HECTD2: variants seen among roughly 807,000 people sequenced by gnomAD.
The protein encoded by HECTD2 is probable E3 ubiquitin-protein ligase HECTD2.
Under a neutral mutation model 103.2 loss-of-function variants are expected in HECTD2, and 35 were observed. The observed-to-expected ratio is 0.34, with a 90% confidence interval of 0.26 to 0.45. HECTD2 has a LOEUF of 0.45. HECTD2 is among the 20% of genes least tolerant of loss of function. The pLI is 1.00. For synonymous variants in HECTD2, 281 were observed against 329.9 expected, an observed-to-expected ratio of 0.85 and a Z score of 1.61; for missense variants, 596 against 937.4, an observed-to-expected ratio of 0.64 and a Z score of 4.76.
At position 91,419,518 on chromosome 10, in the gene HECTD2, G is replaced by T. The variant is rs546601731; in HGVS notation, c.139-5763G>T. On this transcript the variant is annotated intron_variant, in intron 1 of 20. Transcript: ENST00000298068. ...AAAAGACCATTGAAGCCCACATTAG[G>T]TACTTGTGAAATAAGATTTTTGGTT... is the stretch of plus-strand genomic sequence containing the variant. Among the ~76,000 whole-genome samples the T allele has an allele frequency of 3.3e-5, 5 of 152,142 alleles. No homozygotes were observed. In the South Asian group the frequency reaches 1.0e-3, roughly 32 times the overall value.
intron 18 of HECTD2, among the ~76,000 whole-genome samples, chr10:91,499,643 A>G (rs1172932112): frequency 2.6e-5 from 4 of 152,178 alleles, no homozygotes; most frequent in African/African-American, 9.7e-5. Flanking sequence ...TGTCTTAGCC[A>G]TGTGAATATG....
At chr10:91,469,828 A>G (rs1845661386) in intron 5 of HECTD2, among the ~76,000 whole-genome samples, 1 of 152,230 alleles carries the variant, frequency 6.6e-6, no homozygotes, top group Non-Finnish European at 1.5e-5. Flanking sequence ...CAAGAGACCC[A>G]TCTCACATAC....
At chr10:91,457,382 A>T (rs1017048229) in intron 2 of HECTD2, among the ~76,000 whole-genome samples, 1 of 152,078 alleles carries the variant, frequency 6.6e-6, no homozygotes, top group Admixed American at 6.6e-5. Context: ...TTACAGACCA[A>T]TATCCCTCAT....
At chr10:91,449,501 C>G (rs1158750492) in intron 2 of HECTD2, among the ~76,000 whole-genome samples, 1 of 152,132 alleles carries the variant, frequency 6.6e-6, no homozygotes, top group East Asian at 1.9e-4. Context: ...AGGACGCCCT[C>G]TCTTACTACT....
At chr10:91,449,836 C>T (rs1310458805) in intron 2 of HECTD2, among the ~76,000 whole-genome samples, 1 of 152,144 alleles carries the variant, frequency 6.6e-6, no homozygotes, top group African/African-American at 2.4e-5. Flanking sequence ...TGAAGGACCT[C>T]TTCAAGGAGA....
chr10:91,424,156 G>A (rs545779013), intron 1 of HECTD2, among the ~76,000 whole-genome samples: 1 of 152,110 alleles, frequency 6.6e-6, no homozygotes, highest in Non-Finnish European at 1.5e-5. Flanking sequence ...CACAGTCGAG[G>A]AAAAGAGAGA....
intron 2 of HECTD2, among the ~76,000 whole-genome samples, chr10:91,459,877 A>G: frequency 6.6e-6 from 1 of 152,118 alleles, no homozygotes; most frequent in East Asian, 1.9e-4. Flanking sequence ...CTATACAGAT[A>G]TGTAGCCTGG....
At chr10:91,431,677 C>A (rs1843880829) in intron 2 of HECTD2, among the ~76,000 whole-genome samples, 1 of 152,056 alleles carries the variant, frequency 6.6e-6, no homozygotes, top group African/African-American at 2.4e-5. Context: ...CGCATCGGCT[C>A]CTGAGGCTTC....
intron 2 of HECTD2, among the ~76,000 whole-genome samples, chr10:91,451,194 A>C (rs1453740847): frequency 3.3e-5 from 5 of 152,206 alleles, no homozygotes; most frequent in Non-Finnish European, 7.3e-5. Flanking sequence ...TGCAGCCATA[A>C]AGAAGGATGA....
intron 5 of HECTD2, among the ~76,000 whole-genome samples, chr10:91,465,659 C>T (rs1845506073): frequency 6.6e-6 from 1 of 151,564 alleles, no homozygotes; most frequent in African/African-American, 2.4e-5. Context: ...TGGATTTCAT[C>T]AACTGTTTCT....
chr10:91,487,667 T>C lies in HECTD2; in HGVS notation c.1095-15T>C. On this transcript the variant is annotated splice_polypyrimidine_tract_variant and intron_variant, in intron 10 of 20. Transcript: ENST00000298068. The surrounding 1 kb of genome is among the most constrained non-coding windows in gnomAD (Gnocchi z 4.1). The stretch of plus-strand genomic sequence containing the variant: ...TACACCATTTTGCTTTTTCTTTTTT[T>C]CACTTGTTGAGCAGGTTTTCCTTCT... The C allele has an allele frequency of 6.4e-7, 1 of 1,572,138 alleles. No individual in the cohort carries two copies. Among genetic ancestry groups the C allele is most frequent in the East Asian group, 2.2e-5 (1 of 44,534 alleles).
intron 2 of HECTD2, among the ~76,000 whole-genome samples, chr10:91,436,277 G>A (rs912124173): frequency 3.9e-5 from 6 of 151,922 alleles, no homozygotes; most frequent in Non-Finnish European, 7.4e-5. Flanking sequence ...AATAAGATTT[G>A]TTAACCATAA....
chr10:91,425,520 A>G (rs1445600020), intron 2 of HECTD2, 110 bp downstream of exon 2: 1 of 725,402 alleles, frequency 1.4e-6, no homozygotes, highest in African/African-American at 1.9e-5. Flanking sequence ...ATACAACAAA[A>G]AGAAGCTGTA....
intron 1 of HECTD2, among the ~76,000 whole-genome samples, chr10:91,415,695 T>C (rs1193920018): frequency 6.6e-6 from 1 of 152,188 alleles, no homozygotes; most frequent in African/African-American, 2.4e-5. Context: ...ATAGGGACCA[T>C]GTGGTACAAA....
chr10:91,475,978 T>C (rs1845886741), intron 5 of HECTD2, among the ~76,000 whole-genome samples: 1 of 152,224 alleles, frequency 6.6e-6, no homozygotes, highest in South Asian at 2.1e-4. Context: ...CTGCTAGTGC[T>C]TTCTATTAGC....
chr10:91,493,590 T>C (rs893397849), intron 14 of HECTD2, 82 bp downstream of exon 14: 9 of 702,976 alleles, frequency 1.3e-5, no homozygotes, highest in Non-Finnish European at 1.6e-5. Context: ...AAAACTGTTT[T>C]CTTTAGCCAT....
chr10:91,410,636 G>C, intron 1 of HECTD2, 60 bp downstream of exon 1: 1 of 1,313,346 alleles, frequency 7.6e-7, no homozygotes, highest in Non-Finnish European at 9.7e-7. Context: ...AGGGACGGCG[G>C]CCGGGCGAGG....
intron 1 of HECTD2, among the ~76,000 whole-genome samples, chr10:91,412,426 G>C (rs1457378023): frequency 6.6e-6 from 1 of 151,106 alleles, no homozygotes; most frequent in African/African-American, 2.4e-5. Flanking sequence ...GAATAGAAGA[G>C]GATAAGGATA....
At chr10:91,460,759 C>G (rs1238977937) in intron 3 of HECTD2, among the ~76,000 whole-genome samples, 194 bp downstream of exon 3, 1 of 152,018 alleles carries the variant, frequency 6.6e-6, no homozygotes. Flanking sequence ...GTTAGATAGG[C>G]TGCAGCAAAA....
Sources: gnomAD v4.1 joint callset for allele counts (sites outside exome capture counted in the v4.1 genomes callset) on GRCh38, gnomAD v4.1.1 for gene constraint, Gnocchi (gnomAD v3.1) non-coding constraint, MANE v1.5 for transcripts, NCBI Gene and HGNC (gene_info 2026-07-23, HGNC 2026-07-21) for gene names.